The following PDS5A variants were observed in gnomAD, a reference collection of about 807,000 sequenced individuals.
PDS5A encodes sister chromatid cohesion protein PDS5 homolog A.
PDS5A carries 42 observed loss-of-function variants against 167.1 expected under a neutral mutation model. The ratio of observed to expected loss-of-function variants is 0.25; its 90% CI spans 0.20 to 0.33. PDS5A has a LOEUF of 0.33. Among genes scored for constraint, PDS5A ranks in the 10% least tolerant of loss-of-function variants. The probability of loss-of-function intolerance (pLI) is 1.00; values close to 1 mark genes in which losing one functional copy is unlikely to be tolerated. For synonymous variants in PDS5A, 553 were observed against 554.6 expected (o/e 1.00, Z 0.04); for missense variants, 1,033 against 1,605.9 (o/e 0.64, Z 6.10).
intron 6 of PDS5A, among the ~76,000 whole-genome samples, chr4:39,921,745 C>T (rs1435685599): frequency 1.3e-5 from 2 of 151,972 alleles, no homozygotes; most frequent in East Asian, 1.9e-4. Context: ...GAGTGAGACC[C>T]TGTCCCAAAA....
At chr4:39,897,995 G>A in intron 16 of PDS5A, 2 of 924,070 alleles carry the variant, frequency 2.2e-6, no homozygotes, top group Non-Finnish European at 2.6e-6. Context: ...TACTTTATCT[G>A]TAAATGAAAC....
At position 39,863,129 on chromosome 4, in the gene PDS5A, AG is replaced by A; in HGVS notation, c.2767-57del. On this transcript the variant is annotated intron_variant, in intron 24 of 32. Transcript: ENST00000303538. ...AACCATTTATTAAATAAAAAACAGC[AG>A]TTTAAGTATTTTTAGTGTCTTCAAT... is the stretch of plus-strand genomic sequence containing the variant. 5 of 1,343,316 alleles carry A rather than the reference AG, an allele frequency of 3.7e-6. No homozygotes were observed. In the South Asian group the frequency reaches 6.1e-5, roughly 16 times the overall value. 83.2% of individuals were successfully genotyped at this position (1,343,316 alleles called of 1,614,324 possible).
At chr4:39,882,114 A>C (rs1171333783) in intron 17 of PDS5A, among the ~76,000 whole-genome samples, 1 of 152,224 alleles carries the variant, frequency 6.6e-6, no homozygotes, top group African/African-American at 2.4e-5. Flanking sequence ...TGGGTGACAG[A>C]GCCAGACTCT....
chr4:39,976,929 G>A (rs547917475), intron 1 of PDS5A, among the ~76,000 whole-genome samples: 2 of 152,212 alleles, frequency 1.3e-5, no homozygotes, highest in African/African-American at 4.8e-5. Flanking sequence ...GGCGGCCCCG[G>A]GAGGCCGGCA....
At chr4:39,913,836 GAGA>G in intron 8 of PDS5A, 110 bp from the exon 9 acceptor site, 1 of 672,950 alleles carries the variant, frequency 1.5e-6, no homozygotes, top group Non-Finnish European at 2.7e-6. Context: ...TTATAACTGT[GAGA>G]AGTTTAAAAT....
intron 5 of PDS5A, among the ~76,000 whole-genome samples, chr4:39,925,372 A>G (rs1725364869): frequency 6.6e-6 from 1 of 152,192 alleles, no homozygotes; most frequent in South Asian, 2.1e-4. Flanking sequence ...TAGAATAAGA[A>G]GTTGTCAAAG....
At chr4:39,833,544 C>T (rs1413469678) in intron 32 of PDS5A, among the ~76,000 whole-genome samples, 4 of 152,098 alleles carry the variant, frequency 2.6e-5, no homozygotes, top group Non-Finnish European at 2.9e-5. Context: ...ACATACCAGA[C>T]ACCTGGCTAA....
intron 5 of PDS5A, among the ~76,000 whole-genome samples, chr4:39,925,536 A>C (rs576912460): frequency 3.2e-4 from 49 of 152,334 alleles, no homozygotes; most frequent in African/African-American, 9.9e-4. Context: ...TCTATTAGAT[A>C]GTAAGTCCCT....
chr4:39,882,518 G>C (rs1224020696), intron 17 of PDS5A, among the ~76,000 whole-genome samples: 1 of 152,118 alleles, frequency 6.6e-6, no homozygotes, highest in African/African-American at 2.4e-5. Context: ...AACATTGCTT[G>C]AATTTAACAA....
intron 26 of PDS5A, among the ~76,000 whole-genome samples, chr4:39,854,309 TAAACAA>T (rs1718359719): frequency 6.6e-6 from 1 of 151,912 alleles, no homozygotes; most frequent in Non-Finnish European, 1.5e-5. Context: ...TCTCAAAACA[TAAACAA>T]AAACAAAAAT....
intron 2 of PDS5A, among the ~76,000 whole-genome samples, chr4:39,964,511 C>G (rs1729791116): frequency 6.6e-6 from 1 of 152,134 alleles, no homozygotes. Context: ...CAAGACCAGC[C>G]TGATCAACGT....
chr4:39,962,919 A>T (rs557309429), intron 2 of PDS5A, among the ~76,000 whole-genome samples: 8 of 152,114 alleles, frequency 5.3e-5, no homozygotes, highest in Non-Finnish European at 1.2e-4. Context: ...CCAAGACTGC[A>T]CCACTGTGCT....
At chr4:39,940,793 C>T (rs530448671) in intron 2 of PDS5A, among the ~76,000 whole-genome samples, 4 of 152,362 alleles carry the variant, frequency 2.6e-5, no homozygotes, top group Admixed American at 2.6e-4. Flanking sequence ...GCTGAGTCTA[C>T]AGGCATGTGC....
intron 2 of PDS5A, among the ~76,000 whole-genome samples, chr4:39,931,341 A>G (rs1174885229): frequency 2.0e-5 from 3 of 152,088 alleles, no homozygotes; most frequent in Non-Finnish European, 1.5e-5. Flanking sequence ...TTGCTATGTA[A>G]CAAAATACCC....
At chr4:39,869,956 A>C (rs571083277) in intron 21 of PDS5A, among the ~76,000 whole-genome samples, 8 of 152,210 alleles carry the variant, frequency 5.3e-5, no homozygotes, top group African/African-American at 1.7e-4. Flanking sequence ...AAAACACAAA[A>C]AAATTAGTTG....
intron 23 of PDS5A, among the ~76,000 whole-genome samples, chr4:39,866,619 T>C (rs1017918103): frequency 6.6e-6 from 1 of 152,214 alleles, no homozygotes; most frequent in Non-Finnish European, 1.5e-5. Flanking sequence ...TAGTACAATA[T>C]AGTGATTATG....
chr4:39,890,644 GTCTAAC>G (rs1265092823), intron 16 of PDS5A, among the ~76,000 whole-genome samples: 1 of 151,770 alleles, frequency 6.6e-6, no homozygotes, highest in Non-Finnish European at 1.5e-5. Flanking sequence ...TTTGAGACGA[GTCTAAC>G]TCTGTCACCA....
At chr4:39,902,905 T>C (rs1413767938) in intron 12 of PDS5A, among the ~76,000 whole-genome samples, 4 of 152,180 alleles carry the variant, frequency 2.6e-5, no homozygotes, top group African/African-American at 4.8e-5. Context: ...ATGGAAGATA[T>C]CAGTTTATAA....
At chr4:39,921,867 T>C (rs1725009172) in intron 6 of PDS5A, among the ~76,000 whole-genome samples, 1 of 152,210 alleles carries the variant, frequency 6.6e-6, no homozygotes, top group African/African-American at 2.4e-5. Context: ...CTACAGAATT[T>C]TGTAAACTAC....
Sources: allele counts gnomAD v4.1 joint callset (sites outside exome capture counted in the v4.1 genomes callset), GRCh38; gene constraint gnomAD v4.1.1; transcripts MANE v1.5; gene names NCBI Gene and HGNC (gene_info 2026-07-23, HGNC 2026-07-21).